Variants in ENAH observed in about 807,000 individuals in gnomAD.
The protein encoded by ENAH is protein enabled homolog.
In ENAH, 23 loss-of-function variants were observed where a neutral mutation model predicts 78.7. The observed-to-expected ratio is 0.29, with a 90% CI of 0.21 to 0.41. The LOEUF is 0.41. Ranked by LOEUF, ENAH falls within the 10% of genes least tolerant of loss-of-function variation. The probability of loss-of-function intolerance (pLI) is 1.00; values close to 1 mark genes in which losing one functional copy is unlikely to be tolerated. For missense variants in ENAH, 544 were observed against 691.0 expected (o/e 0.79, Z 2.39); for synonymous variants, 226 against 241.0 (o/e 0.94, Z 0.58).
chr1:225,530,109 GA>G (rs1412637315), intron 4 of ENAH, among the ~76,000 whole-genome samples: 2 of 152,158 alleles, frequency 1.3e-5, no homozygotes, highest in Non-Finnish European at 2.9e-5. Flanking sequence ...GCCCAGTAGA[GA>G]ATGATTTTGT....
chr1:225,634,191 T>C (rs1377935055), intron 1 of ENAH, among the ~76,000 whole-genome samples: 2 of 152,204 alleles, frequency 1.3e-5, no homozygotes, highest in African/African-American at 4.8e-5. Context: ...GGCTAGTCTA[T>C]TAAAGTCTAA....
At chr1:225,502,396 G>A (rs534254136) in intron 11 of ENAH, among the ~76,000 whole-genome samples, 1 of 152,248 alleles carries the variant, frequency 6.6e-6, no homozygotes, top group South Asian at 2.1e-4. Flanking sequence ...ATTCTGAGTA[G>A]AGACGGGGTT....
At chr1:225,591,580 C>T (rs2096876277) in intron 1 of ENAH, among the ~76,000 whole-genome samples, 1 of 150,998 alleles carries the variant, frequency 6.6e-6, no homozygotes, top group South Asian at 2.1e-4. Flanking sequence ...TCCTGGCCAA[C>T]ATGGTGAAAC....
intron 1 of ENAH, among the ~76,000 whole-genome samples, chr1:225,609,955 C>A (rs1029343993): frequency 6.6e-6 from 1 of 151,894 alleles, no homozygotes; most frequent in African/African-American, 2.4e-5. Flanking sequence ...TGAGCCACCG[C>A]GCCCGGCCTA....
At chr1:225,637,343 G>C (rs1558945773) in intron 1 of ENAH, among the ~76,000 whole-genome samples, 1 of 152,190 alleles carries the variant, frequency 6.6e-6, no homozygotes, top group South Asian at 2.1e-4. Flanking sequence ...GAGTAGCTGG[G>C]ATTATAGGCA....
chr1:225,650,309 G>T (rs1320858863), intron 1 of ENAH, among the ~76,000 whole-genome samples: 1 of 152,118 alleles, frequency 6.6e-6, no homozygotes, highest in Non-Finnish European at 1.5e-5. Context: ...CTATATTTAC[G>T]TTACTGGAAA....
At chr1:225,565,726 C>CA (rs2096731494) in intron 2 of ENAH, among the ~76,000 whole-genome samples, 1 of 152,056 alleles carries the variant, frequency 6.6e-6, no homozygotes, top group African/African-American at 2.4e-5. Context: ...AAAGATGAGA[C>CA]AGTGCTCCCC....
intron 4 of ENAH, among the ~76,000 whole-genome samples, chr1:225,520,939 AGGGAGGGAGG>A (rs1451328884): frequency 8.3e-4 from 3 of 3,594 alleles, no homozygotes; most frequent in African/African-American, 2.3e-3. Context: ...GGAGGGAGGG[AGGGAGGGAGG>A]GAGGGAGGGA....
chr1:225,643,191 A>G (rs1661392486), intron 1 of ENAH, among the ~76,000 whole-genome samples: 1 of 152,180 alleles, frequency 6.6e-6, no homozygotes, highest in African/African-American at 2.4e-5. Context: ...TTTACATGGG[A>G]AATAACAATA....
At chr1:225,517,937 A>G (rs2096434641) in intron 5 of ENAH, 1 of 1,549,656 alleles carries the variant, frequency 6.5e-7, no homozygotes, top group South Asian at 1.2e-5. Context: ...GGAGGCTGGC[A>G]ACTGGAATAC....
intron 1 of ENAH, among the ~76,000 whole-genome samples, chr1:225,635,092 TTATTG>T (rs1659819752): frequency 6.6e-6 from 1 of 152,252 alleles, no homozygotes; most frequent in East Asian, 1.9e-4. Flanking sequence ...GTCTTTTTAT[TTATTG>T]AAGTCTTTTC....
chr1:225,618,871 G>T (rs1048641102), intron 1 of ENAH, among the ~76,000 whole-genome samples: 1 of 152,142 alleles, frequency 6.6e-6, no homozygotes, highest in Admixed American at 6.5e-5. Context: ...GGAAAGACAT[G>T]AGCCAGAGTT....
chr1:225,569,141 T>G (rs914147530), intron 1 of ENAH, among the ~76,000 whole-genome samples: 1 of 152,214 alleles, frequency 6.6e-6, no homozygotes, highest in African/African-American at 2.4e-5. Flanking sequence ...AAAGATTACA[T>G]GAAACAAGCC....
chr1:225,554,977 C>T lies in ENAH; in HGVS notation c.278G>A (p.Ser93Asn). The T allele has an allele frequency of 6.2e-7, 1 of 1,606,422 alleles. No homozygotes were observed. Among genetic ancestry groups the T allele is most frequent in the East Asian group, 2.2e-5 (1 of 44,816 alleles). The change falls in exon 3 of 14, where the codon AGC becomes AAC. Residue 93 changes from serine (S) to asparagine (N), a missense_variant. Ser to Asn is a conservative substitution (Grantham distance 46). Transcript: ENST00000366843. The part of the protein sequence containing the change: ...ARQVYGLNFG[S>N]KEDANVFASA... ...TGCGAAGACATTGGCATCCTCTTTG[C>T]TGCCAAAGTTGAGACCATACACCTG...
chr1:225,598,101 G>C (rs1276658985), intron 1 of ENAH, among the ~76,000 whole-genome samples: 1 of 152,114 alleles, frequency 6.6e-6, no homozygotes, highest in Non-Finnish European at 1.5e-5. Context: ...AGAGCACCCA[G>C]CTGGACCTAA....
intron 1 of ENAH, among the ~76,000 whole-genome samples, chr1:225,591,790 A>C (rs868013550): frequency 6.8e-6 from 1 of 147,138 alleles, no homozygotes; most frequent in African/African-American, 2.5e-5. Flanking sequence ...AAAAAAAAAA[A>C]GGGCTTCAAA....
chr1:225,640,990 A>C (rs924272029), intron 1 of ENAH, among the ~76,000 whole-genome samples: 6 of 148,550 alleles, frequency 4.0e-5, no homozygotes, highest in Admixed American at 3.4e-4. Flanking sequence ...CCGCCTCCCG[A>C]GTAGCTGGGA....
chr1:225,628,854 G>A (rs1301421784), intron 1 of ENAH, among the ~76,000 whole-genome samples: 6 of 150,746 alleles, frequency 4.0e-5, no homozygotes, highest in African/African-American at 7.3e-5. Context: ...TGTGGTGAGT[G>A]GAGATCGCGT....
Position 225,519,329 on chromosome 1 carries a change from CG to C in ENAH, c.670del (p.Arg224GlyfsTer28). The C allele has an allele frequency of 6.2e-7, 1 of 1,613,652 alleles. No homozygotes were observed. Among genetic ancestry groups the C allele is most frequent in the Non-Finnish European group, 8.5e-7 (1 of 1,179,826 alleles). ...ERLERQERLD[R>X]ERQERQERER... Reference sequence around the variant, plus strand: ...TCGTTCTTGTCTTTCTTGCCTCTCCCGATCCAGGCGTTCCTGCCGCTCCAGG... The same window carrying C: ...TCGTTCTTGTCTTTCTTGCCTCTCCCATCCAGGCGTTCCTGCCGCTCCAGG... On this transcript the variant is annotated frameshift_variant, in exon 5 of 14. Coordinates refer to ENST00000366843, the MANE Select transcript of ENAH (RefSeq NM_018212.6). LOFTEE classifies it high-confidence loss of function.
Sources: allele counts gnomAD v4.1 joint callset (sites outside exome capture counted in the v4.1 genomes callset), GRCh38; gene constraint gnomAD v4.1.1; transcripts MANE v1.5; gene names NCBI Gene and HGNC (gene_info 2026-07-23, HGNC 2026-07-21).